Variants in REXO1 observed in about 807,000 individuals in gnomAD.
REXO1 encodes the protein RNA exonuclease 1 homolog.
Under a neutral mutation model 102.6 loss-of-function variants are expected in REXO1, and 42 were observed. The ratio of observed to expected loss-of-function variants is 0.41; its 90% CI spans 0.32 to 0.53. The LOEUF is 0.53. Ranked by LOEUF, REXO1 falls within the 20% of genes least tolerant of loss-of-function variation. REXO1 has a pLI of 0.27. For missense variants in REXO1, 1,819 were observed against 1,732.5 expected (o/e 1.05, Z -0.89); for synonymous variants, 908 against 779.1 (o/e 1.17, Z -2.76).
chr19:1,839,109 A>T (rs996080649), intron 1 of REXO1, among the ~76,000 whole-genome samples: 1 of 151,942 alleles, frequency 6.6e-6, no homozygotes, highest in Non-Finnish European at 1.5e-5. Context: ...ACAAAAAATT[A>T]GCTGGGCGTG....
At chr19:1,844,805 C>T (rs1377548454) in intron 1 of REXO1, among the ~76,000 whole-genome samples, 1 of 152,244 alleles carries the variant, frequency 6.6e-6, no homozygotes, top group Non-Finnish European at 1.5e-5. Context: ...AGGCCTGGGA[C>T]TGTCCTGCTG....
chr19:1,834,471 G>A (rs553019564), intron 1 of REXO1, among the ~76,000 whole-genome samples: 1 of 152,262 alleles, frequency 6.6e-6, no homozygotes, highest in South Asian at 2.1e-4. Flanking sequence ...CTGGAGTGCA[G>A]TGGTACCATG....
intron 1 of REXO1, among the ~76,000 whole-genome samples, chr19:1,833,786 G>A (rs1436292274): frequency 6.6e-6 from 1 of 152,234 alleles, no homozygotes; most frequent in African/African-American, 2.4e-5. Flanking sequence ...CGGAAGCCCG[G>A]CTGCCCAGTG....
Position 1,820,019 on chromosome 19 carries a change from G to A in REXO1, c.2565C>T (p.Pro855=), listed in dbSNP as rs752894236. The A allele has an allele frequency of 1.9e-6, 3 of 1,602,768 alleles. No homozygotes were observed. Among genetic ancestry groups the A allele is most frequent in the Non-Finnish European group, 2.5e-6 (3 of 1,176,984 alleles). The part of the protein sequence containing the change: ...NEEKVAYDRS[P]SKNIYLNVAV... ...CCACATTCAGGTAGATGTTCTTGCT[G>A]GGGCTGCGGTCATAGGCCACCTTCT... The change falls in exon 7 of 16, where the codon CCC becomes CCT. Residue 855 remains proline, a synonymous_variant. Coordinates refer to ENST00000170168, the MANE Select transcript of REXO1 (RefSeq NM_020695.4).
At position 1,815,752 on chromosome 19, in the gene REXO1, G is replaced by A; in HGVS notation, c.*314C>T. Reference sequence around the variant, plus strand: ...GAGGTGCCGGCCACCACCCGGGAGGGAGGGCCTGGCAGGAGGGGCAGGAGG... The same window carrying A: ...GAGGTGCCGGCCACCACCCGGGAGGAAGGGCCTGGCAGGAGGGGCAGGAGG... On this transcript the variant is annotated 3_prime_UTR_variant, in exon 16 of 16. Coordinates refer to ENST00000170168, the MANE Select transcript of REXO1 (RefSeq NM_020695.4). This position sits in a 1 kb window ranked among gnomAD's most constrained non-coding sequence, Gnocchi z 4.0. The A allele has an allele frequency of 7.0e-7, 1 of 1,424,112 alleles. No individual in the cohort carries two copies. Among genetic ancestry groups the A allele is most frequent in the Non-Finnish European group, 9.2e-7 (1 of 1,085,718 alleles). The allele number at this position is 1,424,112 out of a possible 1,614,324, so 88.2% of individuals were successfully genotyped here. A position where few individuals can be genotyped will look rare whatever the true frequency, so the allele number is the denominator to read the frequency against.
At chr19:1,834,896 C>T (rs545860112) in intron 1 of REXO1, 4 of 354,388 alleles carry the variant, frequency 1.1e-5, no homozygotes, top group Non-Finnish European at 2.4e-5. Context: ...TCAGGATCTG[C>T]ACCACGGCCT....
At chr19:1,824,932 C>G (rs1444817139) in intron 3 of REXO1, among the ~76,000 whole-genome samples, 1 of 151,902 alleles carries the variant, frequency 6.6e-6, no homozygotes, top group Non-Finnish European at 1.5e-5. Flanking sequence ...ATTACAGGTG[C>G]GTGCCACCGC....
intron 1 of REXO1, among the ~76,000 whole-genome samples, chr19:1,833,465 G>A (rs978449483): frequency 1.3e-5 from 2 of 152,210 alleles, no homozygotes; most frequent in African/African-American, 4.8e-5. Flanking sequence ...CCATCTCACA[G>A]CCAAGGACCC....
In REXO1 at chr19:1,818,493, C is replaced by A; in HGVS notation, c.3005G>T (p.Arg1002Leu). The change falls in exon 10 of 16, where the codon CGC (arginine) becomes CTC (leucine). Residue 1002 changes from arginine (R) to leucine (L), a missense_variant. Transcript: ENST00000170168. ...EECYYHWGRL[R>L]RNRVAGGWET... is the part of the protein sequence containing the mutation. ...GGGTAAGGCCTTACCCCGGTTCCGGCGCAGCCGTCCCCAGTGGTAATAACA... is the reference window on the plus strand; with the variant it reads ...GGGTAAGGCCTTACCCCGGTTCCGGAGCAGCCGTCCCCAGTGGTAATAACA... The A allele has an allele frequency of 6.2e-7, 1 of 1,603,754 alleles. No homozygotes were observed. Among genetic ancestry groups the A allele is most frequent in the Non-Finnish European group, 8.5e-7 (1 of 1,176,284 alleles).
rs2145258653 is a variant in REXO1, at chr19:1,823,657, C to T, written c.2145G>A (p.Leu715=). The T allele has an allele frequency of 7.7e-7, 1 of 1,298,558 alleles. No individual in the cohort carries two copies. The highest frequency in any genetic ancestry group is 9.9e-7 in the Non-Finnish European group (1 of 1,015,196). 80.4% of individuals were successfully genotyped at this position (1,298,558 alleles called of 1,614,324 possible). ...TGTGGACGGAGGGCGACTTCTCTGC[C>T]AGCCTGGCGGGGGCCTGCAGCAAGC... The part of the protein sequence containing the change: ...SASLLQAPAR[L]AEKSPSVHIS... The change falls in exon 4 of 16, where the codon CTG becomes CTA. Residue 715 remains leucine, a synonymous_variant. Coordinates refer to ENST00000170168, the MANE Select transcript of REXO1 (RefSeq NM_020695.4).
Position 1,841,578 on chromosome 19 carries a change from C to A in REXO1, c.157+6624G>T, listed in dbSNP as rs570573404. On this transcript the variant is annotated intron_variant, in intron 1 of 15. Coordinates refer to ENST00000170168, the MANE Select transcript of REXO1 (RefSeq NM_020695.4). ...CAGGAGGAGGCCGGGGCCTTCCTAG[C>A]GAGCTCTGCCCCACAGAAAGCCAAG... 3.3e-5 allele frequency among the ~76,000 whole-genome samples: 5 copies of A among 152,322 alleles called. No homozygotes were observed. In the South Asian group the frequency reaches 1.0e-3, roughly 32 times the overall value.
chr19:1,826,808 T>C lies in REXO1; in HGVS notation c.1911+70A>G, dbSNP rs143744682. 1.3e-3 allele frequency: 1,970 copies of C among 1,529,248 alleles called. 17 individuals carry two copies. In the African/African-American group the frequency reaches 0.021, roughly 16 times the overall value. 94.7% of individuals were successfully genotyped at this position (1,529,248 alleles called of 1,614,324 possible). Reference sequence around the variant, plus strand: ...CGAGCCAACTGGAAACCACTCCAGATAGAAGGTCTCTCACCAGGCCCTCGG... The same window carrying C: ...CGAGCCAACTGGAAACCACTCCAGACAGAAGGTCTCTCACCAGGCCCTCGG... On this transcript the variant is annotated intron_variant, in intron 2 of 15. Transcript: ENST00000170168. This position sits in a 1 kb window ranked among gnomAD's most constrained non-coding sequence, Gnocchi z 4.3.
rs757911770 is a variant in REXO1 at position 1,827,849 on chromosome 19, C to T, written c.940G>A (p.Glu314Lys). 1.1e-5 allele frequency: 18 copies of T among 1,612,840 alleles called. No homozygotes were observed. Among genetic ancestry groups the T allele is most frequent in the Admixed American group, 1.7e-5 (1 of 59,942 alleles). The change falls in exon 2 of 16, where the codon GAG becomes AAG. Residue 314 changes from glutamate to lysine, a missense_variant. Transcript: ENST00000170168. Reference protein sequence around the residue: ...ASTPKARADPEIKATGQPPSK... With the variant: ...ASTPKARADPKIKATGQPPSK... ...GGTGGCTGCCCGGTGGCCTTGATCTCAGGGTCGGCCCTGGCTTTGGGGGTG... is the reference window on the plus strand; with the variant it reads ...GGTGGCTGCCCGGTGGCCTTGATCTTAGGGTCGGCCCTGGCTTTGGGGGTG...
At chr19:1,840,975 G>C (rs1006567874) in intron 1 of REXO1, among the ~76,000 whole-genome samples, 14 of 152,192 alleles carry the variant, frequency 9.2e-5, no homozygotes, top group African/African-American at 3.1e-4. Context: ...CCAGAACCCC[G>C]GGCTCCAGGC....
chr19:1,843,899 C>A (rs1179760660), intron 1 of REXO1, among the ~76,000 whole-genome samples: 1 of 152,240 alleles, frequency 6.6e-6, no homozygotes, highest in Non-Finnish European at 1.5e-5. Flanking sequence ...CCTGAGAGGC[C>A]AGAGGAAATG....
chr19:1,833,976 C>T (rs2069972809), intron 1 of REXO1, among the ~76,000 whole-genome samples: 1 of 152,172 alleles, frequency 6.6e-6, no homozygotes, highest in South Asian at 2.1e-4. Context: ...AACGGGAAGG[C>T]TCTCCTCCCC....
Position 1,827,477 on chromosome 19 carries a change from A to G in REXO1, c.1312T>C (p.Ser438Pro), listed in dbSNP as rs780025948. Reference sequence around the variant, plus strand: ...GAGGTGGCCACAGGAGTGGCCGAAGATGGCTTCTTCTTGGTCCCTTCCGGC... The same window carrying G: ...GAGGTGGCCACAGGAGTGGCCGAAGGTGGCTTCTTCTTGGTCCCTTCCGGC... ...ERPEGTKKKP[S>P]SATPVATSGK... The change falls in exon 2 of 16, where the codon TCT (serine) becomes CCT (proline). Residue 438 changes from serine (S) to proline (P), a missense_variant. Coordinates refer to ENST00000170168, the MANE Select transcript of REXO1 (RefSeq NM_020695.4). The G allele has an allele frequency of 1.9e-6, 3 of 1,573,774 alleles. No individual in the cohort carries two copies. Among genetic ancestry groups the G allele is most frequent in the Non-Finnish European group, 2.6e-6 (3 of 1,170,398 alleles).
chr19:1,823,489 T>G, intron 4 of REXO1, 83 bp downstream of exon 4: 1 of 1,004,508 alleles, frequency 1.0e-6, no homozygotes, highest in Non-Finnish European at 1.3e-6. Flanking sequence ...GTGGTTCAGG[T>G]GAGCTCAGAG....
chr19:1,818,781 C>A lies in REXO1; in HGVS notation c.2827G>T (p.Gly943Cys). The A allele has an allele frequency of 1.2e-6, 2 of 1,610,008 alleles. No homozygotes were observed. Among genetic ancestry groups the A allele is most frequent in the Non-Finnish European group, 1.7e-6 (2 of 1,179,898 alleles). ...CGCTCTGGGTGCGGGAAGGGGTAGC[C>A]GTTCTCCTTGAGCTGGTCCTGGGTG... ...LLTQDQLKEN[G>C]YPFPHPERPG... Residue 943 changes from glycine to cysteine, a missense_variant, in exon 9 of 16, where the codon GGC (glycine) becomes TGC (cysteine). By Grantham distance (159) the Gly-to-Cys change is radical. Transcript: ENST00000170168.
Sources: allele counts gnomAD v4.1 joint callset (sites outside exome capture counted in the v4.1 genomes callset), GRCh38; gene constraint gnomAD v4.1.1; non-coding constraint Gnocchi (gnomAD v3.1); transcripts MANE v1.5; gene names NCBI Gene and HGNC (gene_info 2026-07-23, HGNC 2026-07-21).